ASB15: variants seen among roughly 807,000 people sequenced by gnomAD.
ASB15 encodes the protein ankyrin repeat and SOCS box protein 15.
In ASB15, 54 loss-of-function variants were observed where a neutral mutation model predicts 58.0. The observed-to-expected ratio is 0.93, with a 90% CI of 0.75 to 1.17. The LOEUF (loss-of-function observed/expected upper bound fraction) is 1.17, where lower values mean the gene tolerates loss of function less well. Ranked by LOEUF, ASB15 falls within the 50% of genes most tolerant of loss-of-function variation. ASB15 has a pLI of 0.00. For synonymous variants in ASB15, 249 were observed against 262.4 expected, an observed-to-expected ratio of 0.95 and a Z score of 0.50; for missense variants, 680 against 707.4, an observed-to-expected ratio of 0.96 and a Z score of 0.44.
intron 1 of ASB15, among the ~76,000 whole-genome samples, chr7:123,569,556 A>T (rs977761049): frequency 6.6e-6 from 1 of 152,218 alleles, no homozygotes; most frequent in Non-Finnish European, 1.5e-5. Context: ...TCTGGAAGGA[A>T]GTGAGAGAGT....
In ASB15 at chr7:123,638,829, A is replaced by G. The variant is rs1443251319; in HGVS notation, c.*1848A>G. The stretch of plus-strand genomic sequence containing the variant: ...GGGAAGCCTCAGCACAGAACTTGTC[A>G]TGCCATATTATAGATGCCTGTGTTC... On this transcript the variant is annotated 3_prime_UTR_variant, in exon 12 of 12. Coordinates refer to ENST00000451215, the MANE Select transcript of ASB15 (RefSeq NM_001290258.2). 2 of 152,172 alleles carry G rather than the reference A, an allele frequency of 1.3e-5. No homozygotes were observed. The highest frequency in any genetic ancestry group is 2.1e-4 in the South Asian group (1 of 4,826). The allele number at this position is 152,172 out of a possible 1,614,324, so 9.4% of individuals were successfully genotyped here.
rs1477417029 is a variant in ASB15 at position 123,638,611 on chromosome 7, G to A, written c.*1630G>A. On this transcript the variant is annotated 3_prime_UTR_variant, in exon 12 of 12. Coordinates refer to ENST00000451215, the MANE Select transcript of ASB15 (RefSeq NM_001290258.2). The stretch of plus-strand genomic sequence containing the variant: ...ATTGACGAGTGAGAATTTCACTGTG[G>A]GCCATCAAATATCTGAGGACCTTTG... 2 of 152,066 alleles carry A rather than the reference G, an allele frequency of 1.3e-5. No individual in the cohort carries two copies. Among genetic ancestry groups the A allele is most frequent in the Non-Finnish European group, 2.9e-5 (2 of 68,016 alleles). 9.4% of individuals were successfully genotyped at this position (152,066 alleles called of 1,614,324 possible).
At chr7:123,572,131 CTTTTTTTTTTT>C (rs61198371) in intron 1 of ASB15, among the ~76,000 whole-genome samples, 6 of 47,978 alleles carry the variant, frequency 1.3e-4, no homozygotes, top group African/African-American at 3.5e-4. Context: ...TGTAGAATTT[CTTTTTTTTTTT>C]TTTTTTTTTT....
chr7:123,624,156 G>A (rs1445233202), intron 7 of ASB15, among the ~76,000 whole-genome samples: 3 of 152,058 alleles, frequency 2.0e-5, no homozygotes, highest in African/African-American at 4.8e-5. Context: ...AATAATAATA[G>A]CCAGTTACTG....
chr7:123,598,346 C>A (rs1256172293), upstream of ASB15, among the ~76,000 whole-genome samples: 3 of 152,024 alleles, frequency 2.0e-5, no homozygotes, highest in Non-Finnish European at 4.4e-5. Context: ...GAAGTATAAA[C>A]CTTTAGATAT....
At chr7:123,587,941 T>C (rs1200713739) in intron 1 of ASB15, among the ~76,000 whole-genome samples, 2 of 151,796 alleles carry the variant, frequency 1.3e-5, no homozygotes, top group Non-Finnish European at 2.9e-5. Flanking sequence ...GGTTTACTAG[T>C]ATTTTGTTGA....
At chr7:123,616,544 T>C in intron 6 of ASB15, 49 bp downstream of exon 6, 5 of 1,554,022 alleles carry the variant, frequency 3.2e-6, no homozygotes, top group Non-Finnish European at 4.4e-6. Flanking sequence ...AGAATGTTGA[T>C]ATGTTGATGT....
intron 1 of ASB15, among the ~76,000 whole-genome samples, chr7:123,593,037 T>C (rs1335567070): frequency 2.0e-5 from 3 of 152,226 alleles, no homozygotes; most frequent in African/African-American, 7.2e-5. Flanking sequence ...GTTTTCTTTG[T>C]CTCTTTTGAT....
intron 3 of ASB15, among the ~76,000 whole-genome samples, chr7:123,609,500 T>C (rs1194150509): frequency 1.3e-5 from 2 of 152,210 alleles, no homozygotes; most frequent in African/African-American, 4.8e-5. Context: ...CACAGAGCCC[T>C]TCCTTGCACC....
At chr7:123,625,659 C>T (rs1211787581) in intron 8 of ASB15, among the ~76,000 whole-genome samples, 1 of 152,154 alleles carries the variant, frequency 6.6e-6, no homozygotes, top group African/African-American at 2.4e-5. Context: ...TGTGACACTG[C>T]CCTTTCTTAA....
upstream of ASB15, among the ~76,000 whole-genome samples, chr7:123,598,325 A>G (rs1441023410): frequency 6.6e-6 from 1 of 152,224 alleles, no homozygotes; most frequent in African/African-American, 2.4e-5. Flanking sequence ...GTTATTACAC[A>G]GTAGGAAACT....
At chr7:123,616,535 G>A (rs758673076) in intron 6 of ASB15, 40 bp downstream of exon 6, 2 of 1,579,796 alleles carry the variant, frequency 1.3e-6, no homozygotes, top group South Asian at 1.1e-5. Context: ...GCCAGAGCAA[G>A]AATGTTGATA....
chr7:123,580,997 C>T (rs982747291), intron 1 of ASB15, among the ~76,000 whole-genome samples: 8 of 151,944 alleles, frequency 5.3e-5, no homozygotes, highest in African/African-American at 1.7e-4. Flanking sequence ...CAACAGGCGT[C>T]CATTCCTGTG....
chr7:123,626,764 G>T (rs941448891), intron 8 of ASB15, among the ~76,000 whole-genome samples: 5 of 152,230 alleles, frequency 3.3e-5, no homozygotes, highest in African/African-American at 1.2e-4. Flanking sequence ...TTGAGATGGA[G>T]TCTCACTCTG....
intron 11 of ASB15, among the ~76,000 whole-genome samples, chr7:123,632,933 T>C (rs1562943037): frequency 6.6e-6 from 1 of 152,214 alleles, no homozygotes; most frequent in African/African-American, 2.4e-5. Context: ...CAATACTTTA[T>C]GCCAAAAGAC....
chr7:123,637,649 T>G lies in ASB15; in HGVS notation c.*668T>G, dbSNP rs1287225490. ...CTAGCCAATCTTACAGTTATATATC[T>G]TAAGCCCTCTTCTCTTTGTTCTTTA... On this transcript the variant is annotated 3_prime_UTR_variant, in exon 12 of 12. Coordinates refer to ENST00000451215, the MANE Select transcript of ASB15 (RefSeq NM_001290258.2). 6.6e-6 allele frequency: 1 copy of G among 152,046 alleles called. No homozygotes were observed. Among genetic ancestry groups the G allele is most frequent in the Non-Finnish European group, 1.5e-5 (1 of 68,058 alleles). The allele number at this position is 152,046 out of a possible 1,614,324, so 9.4% of individuals were successfully genotyped here. A position where few individuals can be genotyped will look rare whatever the true frequency, so the allele number is the denominator to read the frequency against.
intron 2 of ASB15, among the ~76,000 whole-genome samples, chr7:123,605,182 CAT>C (rs1450943567): frequency 1.3e-5 from 2 of 152,038 alleles, no homozygotes; most frequent in African/African-American, 4.8e-5. Flanking sequence ...AGAATATATG[CAT>C]ATATATTTGT....
At chr7:123,607,579 T>C (rs1800210732) in intron 2 of ASB15, among the ~76,000 whole-genome samples, 1 of 152,168 alleles carries the variant, frequency 6.6e-6, no homozygotes, top group Non-Finnish European at 1.5e-5. Flanking sequence ...CTCGACCTTC[T>C]AGGCTCAAGC....
At chr7:123,605,794 T>C (rs566305887) in intron 2 of ASB15, among the ~76,000 whole-genome samples, 3 of 152,068 alleles carry the variant, frequency 2.0e-5, no homozygotes, top group African/African-American at 4.8e-5. Flanking sequence ...AACTAAACTG[T>C]GAGTACATAC....
Sources: allele counts gnomAD v4.1 joint callset (sites outside exome capture counted in the v4.1 genomes callset), GRCh38; gene constraint gnomAD v4.1.1; transcripts MANE v1.5; gene names NCBI Gene and HGNC (gene_info 2026-07-23, HGNC 2026-07-21).